The following SLC44A5 variants were observed in gnomAD, a reference collection of about 807,000 sequenced individuals.
SLC44A5 encodes solute carrier family 44 member 5.
A neutral mutation model predicts 101.8 loss-of-function variants in SLC44A5; 57 were observed. The observed-to-expected ratio is 0.56, with a 90% CI of 0.45 to 0.70. The LOEUF is 0.70. Among genes scored for constraint, SLC44A5 ranks in the 30% least tolerant of loss-of-function variants. The pLI is 0.00. For missense variants in SLC44A5, 737 were observed against 853.1 expected (o/e 0.86, Z 1.70); for synonymous variants, 281 against 290.9 (o/e 0.97, Z 0.35).
In SLC44A5 at chr1:75,300,615, C is replaced by T. The variant is rs1654380388; in HGVS notation, c.172G>A (p.Val58Met). Residue 58 changes from valine (V) to methionine (M), a missense_variant, in exon 5 of 24, where the codon GTG (valine) becomes ATG (methionine). By Grantham distance (21) the Val-to-Met change is conservative (BLOSUM62 1). Coordinates refer to ENST00000370859, the MANE Select transcript of SLC44A5 (RefSeq NM_001130058.2). ...TTCTATACCTGTATTTACTCACCCA[C>T]AAGTCCTAAAACAATGTAGCCAATA... ...CIIGYIVLGL[V>M]AWVHGDPRRA... 1 of 1,596,958 alleles carries T rather than the reference C, an allele frequency of 6.3e-7. No individual in the cohort carries two copies. Among genetic ancestry groups the T allele is most frequent in the East Asian group, 2.3e-5 (1 of 44,152 alleles).
intron 3 of SLC44A5, among the ~76,000 whole-genome samples, chr1:75,340,727 C>A (rs1657813730): frequency 6.6e-6 from 1 of 152,158 alleles, no homozygotes; most frequent in Non-Finnish European, 1.5e-5. Context: ...ATATTGGATC[C>A]AAGCTGGGCC....
chr1:75,222,176 G>A (rs1252097161), intron 14 of SLC44A5, among the ~76,000 whole-genome samples, 185 bp downstream of exon 14: 4 of 151,900 alleles, frequency 2.6e-5, no homozygotes, highest in East Asian at 3.9e-4. Flanking sequence ...GGCTGGTCTC[G>A]AACTCCCGAC....
Position 75,434,041 on chromosome 1 carries a change from C to A in SLC44A5, c.14-37420G>T, listed in dbSNP as rs1157437906. 2.6e-5 allele frequency among the ~76,000 whole-genome samples: 4 copies of A among 152,196 alleles called. No individual in the cohort carries two copies. The East Asian group carries it at 7.7e-4, about 29-fold the overall frequency. On this transcript the variant is annotated intron_variant, in intron 2 of 23. Transcript: ENST00000370859. ...CTCCAACTGGGCCCCTCCCGCAACA[C>A]ATGGGAATTATGGGAGCTACAATTC...
At chr1:75,250,322 G>A (rs1308708892) in intron 7 of SLC44A5, among the ~76,000 whole-genome samples, 1 of 152,112 alleles carries the variant, frequency 6.6e-6, no homozygotes, top group Non-Finnish European at 1.5e-5. Flanking sequence ...TCTCTGCGAG[G>A]GACGTGACCT....
At chr1:75,283,682 G>A (rs1274209305) in intron 5 of SLC44A5, among the ~76,000 whole-genome samples, 1 of 152,064 alleles carries the variant, frequency 6.6e-6, no homozygotes, top group Non-Finnish European at 1.5e-5. Flanking sequence ...TATAAGGTGA[G>A]AGATGAAGAT....
At chr1:75,372,911 AT>A (rs1471936554) in intron 3 of SLC44A5, among the ~76,000 whole-genome samples, 1 of 152,240 alleles carries the variant, frequency 6.6e-6, no homozygotes, top group Non-Finnish European at 1.5e-5. Context: ...GTTTAGTAGA[AT>A]AAAAAAGAAT....
chr1:75,705,381 T>C, the SLC44A5 span, among the ~76,000 whole-genome samples: 1 of 152,194 alleles, frequency 6.6e-6, no homozygotes, highest in African/African-American at 2.4e-5. Flanking sequence ...ACCTATTTCT[T>C]GAAAGAACGA....
chr1:75,660,998 G>C, the SLC44A5 span, among the ~76,000 whole-genome samples: 1 of 151,930 alleles, frequency 6.6e-6, no homozygotes, highest in Non-Finnish European at 1.5e-5. Flanking sequence ...CCTAAAATCT[G>C]TATGGAATCA....
At position 75,213,959 on chromosome 1, in the gene SLC44A5, A is replaced by G. The variant is rs757866262; in HGVS notation, c.1833T>C (p.Phe611=). 5.8e-5 allele frequency: 93 copies of G among 1,596,574 alleles called. No homozygotes were observed. In the Admixed American group the frequency reaches 1.6e-3, roughly 27 times the overall value. Residue 611 remains phenylalanine (F), a synonymous_variant, in exon 21 of 24, where the codon TTT becomes TTC. Coordinates refer to ENST00000370859, the MANE Select transcript of SLC44A5 (RefSeq NM_001130058.2). ...KVAVTDEVTY[F]VLFLGKLLVA... ...CTAGAAGTTTCCCCAGGAATAATACAAAGTATGTAACTTCATCTGTAACTG... is the reference window on the plus strand; with the variant it reads ...CTAGAAGTTTCCCCAGGAATAATACGAAGTATGTAACTTCATCTGTAACTG...
At chr1:75,560,579 G>A (rs1296747392) in intron 1 of SLC44A5, among the ~76,000 whole-genome samples, 8 of 152,110 alleles carry the variant, frequency 5.3e-5, no homozygotes, top group Non-Finnish European at 1.0e-4. Context: ...TAGTTGACTG[G>A]TATAGCATGG....
chr1:75,477,007 C>A (rs1667457400), intron 2 of SLC44A5, among the ~76,000 whole-genome samples: 3 of 152,224 alleles, frequency 2.0e-5, no homozygotes, highest in African/African-American at 7.2e-5. Context: ...CACCCCCCAG[C>A]AGGGGCAGAC....
chr1:75,641,933 G>T, the SLC44A5 span: 1 of 1,605,656 alleles, frequency 6.2e-7, no homozygotes. Flanking sequence ...GGATTTCTTT[G>T]CCATGGAACA....
intron 4 of SLC44A5, among the ~76,000 whole-genome samples, chr1:75,314,634 G>A (rs1557653526): frequency 6.6e-6 from 1 of 152,130 alleles, no homozygotes; most frequent in African/African-American, 2.4e-5. Context: ...TTTACCTTAA[G>A]TAATGCAAGT....
chr1:75,464,624 A>T (rs901716592), intron 2 of SLC44A5, among the ~76,000 whole-genome samples: 1 of 152,152 alleles, frequency 6.6e-6, no homozygotes, highest in Non-Finnish European at 1.5e-5. Context: ...TGGGAAAAAA[A>T]AGAAGTAATA....
At chr1:75,387,221 A>C (rs1661423985) in intron 3 of SLC44A5, among the ~76,000 whole-genome samples, 1 of 152,176 alleles carries the variant, frequency 6.6e-6, no homozygotes, top group Non-Finnish European at 1.5e-5. Flanking sequence ...GGATCTAATT[A>C]AACTAAAGTG....
the SLC44A5 span, among the ~76,000 whole-genome samples, chr1:75,667,030 A>T: frequency 6.6e-6 from 1 of 152,184 alleles, no homozygotes; most frequent in Non-Finnish European, 1.5e-5. Context: ...CCGGCACAAG[A>T]CAAGGATGCC....
At chr1:75,694,612 A>C in the SLC44A5 span, among the ~76,000 whole-genome samples, 1 of 152,200 alleles carries the variant, frequency 6.6e-6, no homozygotes, top group East Asian at 1.9e-4. Context: ...ATAAGGTAAG[A>C]AAATGTCACT....
chr1:75,619,367 G>A, the SLC44A5 span, among the ~76,000 whole-genome samples: 306 of 152,182 alleles, frequency 2.0e-3, 2 homozygotes, highest in African/African-American at 6.7e-3. Flanking sequence ...TATGCAGTGC[G>A]TTGCTGTATA....
upstream of SLC44A5, among the ~76,000 whole-genome samples, chr1:75,612,918 A>G (rs1675717597): frequency 6.6e-6 from 1 of 152,228 alleles, no homozygotes; most frequent in Non-Finnish European, 1.5e-5. Flanking sequence ...TAAAAACATT[A>G]TCAATATTGG....
Sources: allele counts gnomAD v4.1 joint callset (sites outside exome capture counted in the v4.1 genomes callset), GRCh38; gene constraint gnomAD v4.1.1; transcripts MANE v1.5; gene names NCBI Gene and HGNC (gene_info 2026-07-23, HGNC 2026-07-21).